The following SH3PXD2B variants were observed in gnomAD, a reference collection of about 807,000 sequenced individuals.
The protein encoded by SH3PXD2B is SH3 and PX domain-containing protein 2B.
SH3PXD2B carries 37 observed loss-of-function variants against 73.1 expected under a neutral mutation model. The ratio of observed to expected loss-of-function variants is 0.51; its 90% CI spans 0.39 to 0.67. The LOEUF (loss-of-function observed/expected upper bound fraction) is 0.67, where lower values mean the gene tolerates loss of function less well. Ranked by LOEUF, SH3PXD2B falls within the 30% of genes least tolerant of loss-of-function variation. The pLI is 0.00. For missense variants in SH3PXD2B, 1,053 were observed against 1,197.8 expected (o/e 0.88, Z 1.78); for synonymous variants, 457 against 480.5 (o/e 0.95, Z 0.64).
At chr5:172,327,752 G>GTTTTTTT (rs3053146) in intron 12 of SH3PXD2B, among the ~76,000 whole-genome samples, 17 of 142,446 alleles carry the variant, frequency 1.2e-4, no homozygotes, top group African/African-American at 4.1e-4. Flanking sequence ...CTGCAACTGG[G>GTTTTTTT]TTTTTTTTTT....
chr5:172,388,461 T>C (rs1758103212), intron 4 of SH3PXD2B, among the ~76,000 whole-genome samples: 1 of 152,138 alleles, frequency 6.6e-6, no homozygotes, highest in Non-Finnish European at 1.5e-5. Flanking sequence ...AAATATCCAC[T>C]CTATTTATTA....
At chr5:172,448,400 G>C (rs1386579069) in intron 1 of SH3PXD2B, among the ~76,000 whole-genome samples, 2 of 152,146 alleles carry the variant, frequency 1.3e-5, no homozygotes, top group African/African-American at 4.8e-5. Context: ...ACCCAGGCTG[G>C]AGTGAAGTGG....
At chr5:172,405,404 TC>T (rs1387035355) in intron 3 of SH3PXD2B, among the ~76,000 whole-genome samples, 1 of 152,234 alleles carries the variant, frequency 6.6e-6, no homozygotes, top group East Asian at 1.9e-4. Context: ...CAGACAGCTT[TC>T]CCTGACCGGT....
chr5:172,333,360 C>T (rs538687812), downstream of SH3PXD2B: 22 of 329,410 alleles, frequency 6.7e-5, no homozygotes, highest in African/African-American at 4.8e-4. Context: ...TGCACTATGG[C>T]CCAGAGAGGG....
At chr5:172,423,544 T>TGGGGG (rs1759021626) in intron 1 of SH3PXD2B, among the ~76,000 whole-genome samples, 1 of 75,096 alleles carries the variant, frequency 1.3e-5, no homozygotes, top group African/African-American at 6.5e-5. Flanking sequence ...GGATACGGGG[T>TGGGGG]TGGGGGGGGG....
chr5:172,342,976 A>G (rs1756893326), intron 12 of SH3PXD2B, among the ~76,000 whole-genome samples: 1 of 152,216 alleles, frequency 6.6e-6, no homozygotes. Context: ...GGGGCAAGCC[A>G]CGTGCCTCAG....
chr5:172,371,850 G>A (rs1299928195), intron 6 of SH3PXD2B, among the ~76,000 whole-genome samples: 1 of 152,188 alleles, frequency 6.6e-6, no homozygotes, highest in African/African-American at 2.4e-5. Context: ...AACTCTGCCA[G>A]CCCAAGAGTG....
At chr5:172,453,879 G>GT (rs1561589861) in intron 1 of SH3PXD2B, among the ~76,000 whole-genome samples, 1 of 152,188 alleles carries the variant, frequency 6.6e-6, no homozygotes, top group Non-Finnish European at 1.5e-5. Context: ...GGACAAGGAG[G>GT]GGCAAGGCGG....
rs147802614 is a variant in SH3PXD2B at position 172,346,009 on chromosome 5, C to T, written c.1188+127G>A. 728 of 1,436,062 alleles carry T rather than the reference C, an allele frequency of 5.1e-4. 7 individuals carry two copies. The highest frequency in any genetic ancestry group is 4.5e-3 in the South Asian group (389 of 86,728). 89.0% of individuals were successfully genotyped at this position (1,436,062 alleles called of 1,614,324 possible). A position where few individuals can be genotyped will look rare whatever the true frequency, so the allele number is the denominator to read the frequency against. ...ATTGTAAACTGTATGGTATGTGAACCATAAAGCTGTTAATCTCCGCCCCAC... is the reference window on the plus strand; with the variant it reads ...ATTGTAAACTGTATGGTATGTGAACTATAAAGCTGTTAATCTCCGCCCCAC... On this transcript the variant is annotated intron_variant, in intron 12 of 12. Coordinates refer to ENST00000311601, the MANE Select transcript of SH3PXD2B (RefSeq NM_001017995.3).
intron 1 of SH3PXD2B, among the ~76,000 whole-genome samples, chr5:172,439,108 TGC>T (rs1759459941): frequency 6.6e-6 from 1 of 150,778 alleles, no homozygotes; most frequent in Admixed American, 6.6e-5. Flanking sequence ...CCTGTGGTGG[TGC>T]GCACCTGTAG....
At chr5:172,330,093 A>AATAC (rs1756528095), downstream of SH3PXD2B, among the ~76,000 whole-genome samples, 1 of 152,286 alleles carries the variant, frequency 6.6e-6, no homozygotes, top group South Asian at 2.1e-4. Flanking sequence ...ATACTTGCAG[A>AATAC]ATACACACCG....
At position 172,336,645 on chromosome 5, in the gene SH3PXD2B, A is replaced by G. The variant is rs539948762; in HGVS notation, c.*1724T>C. 47 of 974,904 alleles carry G rather than the reference A, an allele frequency of 4.8e-5. 1 individual carries two copies. In the South Asian group the frequency reaches 2.1e-3, roughly 43 times the overall value. 60.4% of individuals were successfully genotyped at this position (974,904 alleles called of 1,614,324 possible). ...AAACTGGCTTTGTGGGTCCAAAAGT[A>G]TCTCGCCTGATGAACACTGTGAACT... On this transcript the variant is annotated 3_prime_UTR_variant, in exon 13 of 13. Transcript: ENST00000311601.
chr5:172,338,720 G>C lies in SH3PXD2B; in HGVS notation c.2385C>G (p.Gly795=), dbSNP rs1414645611. 1.2e-6 allele frequency: 2 copies of C among 1,614,110 alleles called. No individual in the cohort carries two copies. Among genetic ancestry groups the C allele is most frequent in the African/African-American group, 1.3e-5 (1 of 74,948 alleles). The change falls in exon 13 of 13, where the codon GGC becomes GGG. Residue 795 remains glycine, a synonymous_variant. Transcript: ENST00000311601. This position sits in a 1 kb window ranked among gnomAD's most constrained non-coding sequence, Gnocchi z 5.1. The stretch of plus-strand genomic sequence containing the variant: ...CTTTTGGAGGGACGAGGAGAGCACG[G>C]CCTGGGGTGGGAGCTGCCCTGCTTT... ...GHESRAAPTP[G]RALLVPPKAK... is the part of the protein sequence containing the mutation.
chr5:172,333,636 T>C lies in SH3PXD2B; in HGVS notation c.*4733A>G, dbSNP rs1756617289. 7.8e-7 allele frequency: 1 copy of C among 1,288,930 alleles called. No homozygotes were observed. Among genetic ancestry groups the C allele is most frequent in the Admixed American group, 2.3e-5 (1 of 43,510 alleles). The allele number at this position is 1,288,930 out of a possible 1,614,324, so 79.8% of individuals were successfully genotyped here. On this transcript the variant is annotated 3_prime_UTR_variant, in exon 13 of 13. Coordinates refer to ENST00000311601, the MANE Select transcript of SH3PXD2B (RefSeq NM_001017995.3). Reference sequence around the variant, plus strand: ...ACCCCTCCCCTCACATCCTATATACTCATTTATTTAATGTGTTAAAGGAAA... The same window carrying C: ...ACCCCTCCCCTCACATCCTATATACCCATTTATTTAATGTGTTAAAGGAAA...
At chr5:172,413,508 T>C (rs1256964139) in intron 2 of SH3PXD2B, among the ~76,000 whole-genome samples, 1 of 152,202 alleles carries the variant, frequency 6.6e-6, no homozygotes, top group Admixed American at 6.5e-5. Context: ...AAGCACCTGT[T>C]AGATATTTGT....
Position 172,334,864 on chromosome 5 carries a change from A to G in SH3PXD2B, c.*3505T>C. The G allele has an allele frequency of 1.1e-5, 11 of 985,404 alleles. No homozygotes were observed. The highest frequency in any genetic ancestry group is 1.3e-5 in the Non-Finnish European group (11 of 829,942). 61.0% of individuals were successfully genotyped at this position (985,404 alleles called of 1,614,324 possible). ...CCCCCATCTTCCACCTGGTAATGAA[A>G]TCCTCAGTGGGCGCAAACATTTTAG... On this transcript the variant is annotated 3_prime_UTR_variant, in exon 13 of 13. Coordinates refer to ENST00000311601, the MANE Select transcript of SH3PXD2B (RefSeq NM_001017995.3).
intron 4 of SH3PXD2B, among the ~76,000 whole-genome samples, chr5:172,390,659 C>T (rs1758162052): frequency 6.6e-6 from 1 of 152,158 alleles, no homozygotes; most frequent in Non-Finnish European, 1.5e-5. Flanking sequence ...CAGTTGTTGG[C>T]TATTATGAAT....
At chr5:172,437,271 C>T (rs1182531275) in intron 1 of SH3PXD2B, among the ~76,000 whole-genome samples, 1 of 152,170 alleles carries the variant, frequency 6.6e-6, no homozygotes, top group Non-Finnish European at 1.5e-5. Context: ...CCTGGGTTCC[C>T]TTTGGTTCTG....
intron 4 of SH3PXD2B, among the ~76,000 whole-genome samples, chr5:172,390,555 G>A (rs1262595103): frequency 6.6e-6 from 1 of 152,076 alleles, no homozygotes; most frequent in East Asian, 1.9e-4. Flanking sequence ...CGCTCCCAGT[G>A]CCTTTTATTG....
Sources: allele counts gnomAD v4.1 joint callset (sites outside exome capture counted in the v4.1 genomes callset), GRCh38; gene constraint gnomAD v4.1.1; non-coding constraint Gnocchi (gnomAD v3.1); transcripts MANE v1.5; gene names NCBI Gene and HGNC (gene_info 2026-07-23, HGNC 2026-07-21).